Variants in TENM3 observed in about 807,000 individuals in gnomAD.
The protein encoded by TENM3 is teneurin-3.
Under a neutral mutation model 255.1 loss-of-function variants are expected in TENM3, and 63 were observed. That is an observed-to-expected ratio of 0.25 (90% CI 0.20 to 0.30). The LOEUF is 0.30. TENM3 is among the 10% of genes least tolerant of loss of function. The pLI, the probability that TENM3 is intolerant of heterozygous loss-of-function variation, is 1.00. For missense variants in TENM3, 2,929 were observed against 3,461.1 expected (o/e 0.85, Z 3.86); for synonymous variants, 1,306 against 1,322.3 (o/e 0.99, Z 0.27).
chr4:181,630,475 T>G, the TENM3 span, among the ~76,000 whole-genome samples: 1 of 152,204 alleles, frequency 6.6e-6, no homozygotes. Context: ...TGTGGGCATT[T>G]AGTGCTATAA....
intron 1 of TENM3, among the ~76,000 whole-genome samples, chr4:182,161,135 G>A (rs1416433105): frequency 2.6e-5 from 3 of 114,964 alleles, no homozygotes; most frequent in South Asian, 3.4e-4. Context: ...AAAAATTAGC[G>A]GCCGGGCGCG....
chr4:182,175,138 C>T (rs1450148), intron 1 of TENM3, among the ~76,000 whole-genome samples: 97,679 of 151,310 alleles, frequency 0.65, 32,466 homozygotes, highest in Non-Finnish European at 0.74. Context: ...TTCACTGTGT[C>T]AGAAATTAAT....
chr4:182,078,687 C>A, the TENM3 span, among the ~76,000 whole-genome samples: 1 of 151,982 alleles, frequency 6.6e-6, no homozygotes, highest in African/African-American at 2.4e-5. Flanking sequence ...AGGCCAGTTG[C>A]TATGCTACTG....
the TENM3 span, among the ~76,000 whole-genome samples, chr4:181,983,429 G>T: frequency 6.6e-6 from 1 of 152,014 alleles, no homozygotes; most frequent in Non-Finnish European, 1.5e-5. Context: ...GAAATACAAG[G>T]CTTAGTATAT....
intron 13 of TENM3, among the ~76,000 whole-genome samples, chr4:182,716,235 CAG>C (rs1249821103): frequency 6.6e-6 from 1 of 152,192 alleles, no homozygotes; most frequent in Non-Finnish European, 1.5e-5. Context: ...GAGGAGTTTA[CAG>C]AGTCTCTCAG....
chr4:182,088,851 A>AAG, the TENM3 span, among the ~76,000 whole-genome samples: 52 of 150,660 alleles, frequency 3.5e-4, no homozygotes, highest in Admixed American at 1.7e-3. Context: ...AAAAAAAAAA[A>AAG]AGAGAGAGAC....
chr4:181,933,195 T>C, the TENM3 span, among the ~76,000 whole-genome samples: 2 of 152,182 alleles, frequency 1.3e-5, no homozygotes, highest in South Asian at 4.1e-4. Flanking sequence ...TGTGACTGCA[T>C]GAACGTTTCT....
At chr4:182,556,915 G>C (rs1742643005) in intron 3 of TENM3, among the ~76,000 whole-genome samples, 1 of 152,230 alleles carries the variant, frequency 6.6e-6, no homozygotes, top group South Asian at 2.1e-4. Flanking sequence ...GGGAAGGCAA[G>C]AGGGATGTGC....
At chr4:181,978,181 T>C in the TENM3 span, among the ~76,000 whole-genome samples, 1 of 152,152 alleles carries the variant, frequency 6.6e-6, no homozygotes, top group Non-Finnish European at 1.5e-5. Context: ...TCGTAACTCT[T>C]GGGGCTGGAA....
At chr4:182,568,094 G>A (rs887123578) in intron 3 of TENM3, among the ~76,000 whole-genome samples, 1 of 152,188 alleles carries the variant, frequency 6.6e-6, no homozygotes, top group African/African-American at 2.4e-5. Flanking sequence ...GAAGTTATGG[G>A]AATCATGTGC....
the TENM3 span, among the ~76,000 whole-genome samples, chr4:181,948,393 A>C: frequency 6.6e-6 from 1 of 152,118 alleles, no homozygotes; most frequent in Non-Finnish European, 1.5e-5. Flanking sequence ...ACAGCCAATA[A>C]ATTATTTTTT....
rs374041884 is a variant in TENM3 at position 182,737,007 on chromosome 4, C to G, written c.3167C>G (p.Ala1056Gly). Residue 1056 changes from alanine to glycine, a missense_variant, in exon 17 of 28, where the codon GCC becomes GGC. This residue lies in a region of TENM3 where 1,608 missense variants were observed against 1,884.4 expected (regional missense o/e 0.85). Transcript: ENST00000511685. The part of the protein sequence containing the change: ...QKWFPASPNL[A>G]YTFIWDKTDA... The stretch of plus-strand genomic sequence containing the variant: ...TGGTTTCCTGCCTCACCAAACTTGG[C>G]CTATACTTTCATATGGGATAAAACA... 98 of 1,613,632 alleles carry G rather than the reference C, an allele frequency of 6.1e-5. No individual in the cohort carries two copies. The highest frequency in any genetic ancestry group is 2.5e-4 in the Admixed American group (15 of 59,988).
At chr4:182,447,474 A>G (rs1410076742) in intron 3 of TENM3, among the ~76,000 whole-genome samples, 3 of 152,208 alleles carry the variant, frequency 2.0e-5, no homozygotes, top group African/African-American at 7.2e-5. Flanking sequence ...TATGTTCAAG[A>G]AGATAAGGAA....
chr4:181,642,991 C>A, the TENM3 span, among the ~76,000 whole-genome samples: 2 of 152,078 alleles, frequency 1.3e-5, no homozygotes, highest in African/African-American at 4.8e-5. Flanking sequence ...TATGTGGGCT[C>A]TTCTTTGGTT....
At chr4:182,033,958 G>A in the TENM3 span, among the ~76,000 whole-genome samples, 2 of 152,038 alleles carry the variant, frequency 1.3e-5, no homozygotes, top group Admixed American at 6.6e-5. Flanking sequence ...GTATTAGTCT[G>A]TTCTCACACT....
the TENM3 span, among the ~76,000 whole-genome samples, chr4:182,125,816 C>A: frequency 2.0e-5 from 3 of 147,046 alleles, no homozygotes; most frequent in Admixed American, 1.4e-4. Context: ...TGCTTGGGAT[C>A]ATGGGAATGA....
chr4:181,775,129 C>T, the TENM3 span, among the ~76,000 whole-genome samples: 707 of 152,196 alleles, frequency 4.6e-3, 2 homozygotes, highest in African/African-American at 0.016. Flanking sequence ...AGAAAGAGGC[C>T]GGGGCAGAGT....
chr4:182,074,583 A>G, the TENM3 span, among the ~76,000 whole-genome samples: 1 of 152,336 alleles, frequency 6.6e-6, no homozygotes, highest in South Asian at 2.1e-4. Flanking sequence ...AGCACAAACA[A>G]AAGCTATTGT....
chr4:181,625,174 G>A, the TENM3 span, among the ~76,000 whole-genome samples: 1 of 152,186 alleles, frequency 6.6e-6, no homozygotes, highest in East Asian at 1.9e-4. Flanking sequence ...GGGATGGGAG[G>A]AAGTGCTGTG....
Sources: gnomAD v4.1 joint callset for allele counts (sites outside exome capture counted in the v4.1 genomes callset) on GRCh38, gnomAD v4.1.1 for gene constraint, gnomAD v4.1.1 regional missense constraint, MANE v1.5 for transcripts, NCBI Gene and HGNC (gene_info 2026-07-23, HGNC 2026-07-21) for gene names.